DOCK8: variants seen among roughly 807,000 people sequenced by gnomAD.
DOCK8 encodes the protein dedicator of cytokinesis protein 8.
Under a neutral mutation model 245.6 loss-of-function variants are expected in DOCK8, and 141 were observed. The observed-to-expected ratio is 0.57, with a 90% CI of 0.50 to 0.66. The LOEUF is 0.66. Ranked by LOEUF, DOCK8 falls within the 30% of genes least tolerant of loss-of-function variation. The pLI, the probability that DOCK8 is intolerant of heterozygous loss-of-function variation, is 0.00. For missense variants in DOCK8, 2,965 were observed against 2,603.4 expected (o/e 1.14, Z -3.02); for synonymous variants, 1,168 against 970.2 (o/e 1.20, Z -3.79).
intron 37 of DOCK8, 57 bp downstream of exon 37, chr9:432,381 T>C: frequency 2.7e-6 from 4 of 1,476,162 alleles, no homozygotes; most frequent in South Asian, 2.3e-5. Flanking sequence ...CCAACTATTG[T>C]GTATGTATGT....
chr9:452,794 T>G (rs1329522662), intron 46 of DOCK8: 1 of 152,294 alleles, frequency 6.6e-6, no homozygotes, highest in African/African-American at 2.4e-5. Context: ...GTCTCATCTC[T>G]GTTCCTTAAT....
chr9:307,338 G>GTTTTTTTTTTTTTTTTTTTTTTTTTTTTT (rs1165775428), intron 5 of DOCK8, among the ~76,000 whole-genome samples: 2 of 51,218 alleles, frequency 3.9e-5, no homozygotes, highest in African/African-American at 5.8e-5. Context: ...GGTTTTTTTT[G>GTTTTTTTTTTTTTTTTTTTTTTTTTTTTT]TTTTTTTTTT....
chr9:343,993 G>A (rs1484161145), intron 14 of DOCK8, among the ~76,000 whole-genome samples: 1 of 152,212 alleles, frequency 6.6e-6, no homozygotes, highest in Non-Finnish European at 1.5e-5. Context: ...ATCCAGAAAT[G>A]TAGGAGGGCA....
At chr9:223,339 A>G (rs617453) in intron 1 of DOCK8, among the ~76,000 whole-genome samples, 92,551 of 151,814 alleles carry the variant, frequency 0.61, 28,918 homozygotes, top group East Asian at 0.75. Flanking sequence ...GCCATTGAGG[A>G]TTATTGTGTT....
intron 4 of DOCK8, among the ~76,000 whole-genome samples, chr9:304,000 A>G (rs1459292515): frequency 6.6e-6 from 1 of 152,184 alleles, no homozygotes; most frequent in African/African-American, 2.4e-5. Context: ...TCATTTCTTC[A>G]GTGACAGGGC....
chr9:237,446 G>C (rs937269199), intron 1 of DOCK8, among the ~76,000 whole-genome samples: 1 of 152,218 alleles, frequency 6.6e-6, no homozygotes, highest in Non-Finnish European at 1.5e-5. Context: ...CTTCAGCTCA[G>C]GAGTTCAAGA....
At chr9:219,561 G>C (rs2046838246) in intron 1 of DOCK8, among the ~76,000 whole-genome samples, 1 of 152,092 alleles carries the variant, frequency 6.6e-6, no homozygotes, top group South Asian at 2.1e-4. Context: ...CAAAAACAAG[G>C]TGGCAAGAAG....
In DOCK8 at chr9:217,567, TTC is replaced by T. The variant is rs551710214; in HGVS notation, c.53+2540_53+2541del. 7.2e-5 allele frequency among the ~76,000 whole-genome samples: 11 copies of T among 152,266 alleles called. No homozygotes were observed. In the South Asian group the frequency reaches 2.3e-3, roughly 32 times the overall value. The stretch of plus-strand genomic sequence containing the variant: ...GGATTGGAAATTCGTATTCTTAGAG[TTC>T]TGTTTTCCTTTTTGAAGCACTCTGT... On this transcript the variant is annotated intron_variant, in intron 1 of 47. Coordinates refer to ENST00000432829, the MANE Select transcript of DOCK8 (RefSeq NM_203447.4).
At chr9:433,406 G>A (rs891350914) in intron 37 of DOCK8, among the ~76,000 whole-genome samples, 5 of 152,130 alleles carry the variant, frequency 3.3e-5, no homozygotes, top group African/African-American at 9.7e-5. Flanking sequence ...GACCTCCACT[G>A]TTGGTTTTAT....
At position 441,199 on chromosome 9, in the gene DOCK8, C is replaced by A. The variant is rs543000188; in HGVS notation, c.5224-87C>A. The A allele has an allele frequency of 2.7e-4, 415 of 1,557,842 alleles. 6 individuals are homozygous for A. The South Asian group carries it at 3.9e-3, about 15-fold the overall frequency. ...ATACAACAATAAATTCACTCTCCAG[C>A]ACATTGTTTGGACAATGACCTCTGG... On this transcript the variant is annotated intron_variant, in intron 40 of 47. Coordinates refer to ENST00000432829, the MANE Select transcript of DOCK8 (RefSeq NM_203447.4).
At chr9:246,584 T>C (rs2047510901) in intron 1 of DOCK8, among the ~76,000 whole-genome samples, 1 of 151,714 alleles carries the variant, frequency 6.6e-6, no homozygotes, top group Admixed American at 6.6e-5. Context: ...ACAGGAGAGG[T>C]GATGAAAGGG....
At position 443,470 on chromosome 9, in the gene DOCK8, T is replaced by C. The variant is rs986847282; in HGVS notation, c.5534T>C (p.Ile1845Thr). 7 of 1,614,082 alleles carry C rather than the reference T, an allele frequency of 4.3e-6. No homozygotes were observed. The highest frequency in any genetic ancestry group is 5.1e-6 in the Non-Finnish European group (6 of 1,179,984). Residue 1845 changes from isoleucine to threonine, a missense_variant, in exon 43 of 48, where the codon ATT becomes ACT. Coordinates refer to ENST00000432829, the MANE Select transcript of DOCK8 (RefSeq NM_203447.4). ...TTTGGTGCAGAATTTGTGGAAGTGA[T>C]TAAAGACTCCACTCCTGTGGACAAA... ...QCFGAEFVEV[I>T]KDSTPVDKTK...
At chr9:378,073 A>G (rs2053590974) in intron 20 of DOCK8, among the ~76,000 whole-genome samples, 1 of 152,210 alleles carries the variant, frequency 6.6e-6, no homozygotes, top group South Asian at 2.1e-4. Flanking sequence ...GCTTTGTGAC[A>G]ATAACCAAGA....
At chr9:412,404 CAAAA>C (rs59340573) in intron 28 of DOCK8, among the ~76,000 whole-genome samples, 10 of 100,780 alleles carry the variant, frequency 9.9e-5, no homozygotes, top group Admixed American at 2.1e-4. Context: ...GACCCTGTCT[CAAAA>C]AAAAAAAAAA....
chr9:414,634 C>G, intron 28 of DOCK8, 148 bp from the exon 29 acceptor site: 1 of 910,856 alleles, frequency 1.1e-6, no homozygotes. Flanking sequence ...CAGTCTGTTT[C>G]TGGATTCTAT....
chr9:300,019 CAAA>C (rs71312802), intron 4 of DOCK8, among the ~76,000 whole-genome samples: 13 of 132,840 alleles, frequency 9.8e-5, no homozygotes, highest in East Asian at 2.2e-4. Context: ...GACTCCGTCT[CAAA>C]AAAAAAAAAA....
chr9:423,645 G>A (rs2056368034), intron 33 of DOCK8, among the ~76,000 whole-genome samples: 1 of 152,156 alleles, frequency 6.6e-6, no homozygotes, highest in African/African-American at 2.4e-5. Context: ...GATGTGACTT[G>A]GAAACCCAGT....
Position 399,193 on chromosome 9 carries a change from G to T in DOCK8, c.3168G>T (p.Leu1056Phe). 1 of 1,614,074 alleles carries T rather than the reference G, an allele frequency of 6.2e-7. No homozygotes were observed. The highest frequency in any genetic ancestry group is 8.5e-7 in the Non-Finnish European group (1 of 1,180,016). The change falls in exon 26 of 48, where the codon TTG becomes TTT. Residue 1056 changes from leucine to phenylalanine, a missense_variant. By Grantham distance (22) the Leu-to-Phe change is conservative. This residue lies in a region of DOCK8 where 2,825 missense variants were observed against 2,453.5 expected (regional missense o/e 1.15). Transcript: ENST00000432829. The part of the protein sequence containing the change: ...EKMNISLAFF[L>F]YDLLSLMDRG... Reference sequence around the variant, plus strand: ...TGAACATCAGCCTGGCTTTCTTCTTGTATGACCTTCTCTCCCTCATGGATC... The same window carrying T: ...TGAACATCAGCCTGGCTTTCTTCTTTTATGACCTTCTCTCCCTCATGGATC...
At chr9:265,648 C>T (rs2048019864) in intron 1 of DOCK8, among the ~76,000 whole-genome samples, 1 of 152,056 alleles carries the variant, frequency 6.6e-6, no homozygotes, top group Non-Finnish European at 1.5e-5. Flanking sequence ...AAAATCCATC[C>T]AGCCATTTTG....
Sources: gnomAD v4.1 joint callset for allele counts (sites outside exome capture counted in the v4.1 genomes callset) on GRCh38, gnomAD v4.1.1 for gene constraint, gnomAD v4.1.1 regional missense constraint, MANE v1.5 for transcripts, NCBI Gene and HGNC (gene_info 2026-07-23, HGNC 2026-07-21) for gene names.